FAM168A: variants seen among roughly 807,000 people sequenced by gnomAD.
The protein encoded by FAM168A is family with sequence similarity 168 member A, also known as protein FAM168A.
A neutral mutation model predicts 28.5 loss-of-function variants in FAM168A; 3 were observed. The observed-to-expected ratio is 0.11, with a 90% CI of 0.05 to 0.27. The LOEUF (loss-of-function observed/expected upper bound fraction) is 0.27. Among genes scored for constraint, FAM168A ranks in the 10% least tolerant of loss-of-function variants. The probability of loss-of-function intolerance (pLI) is 1.00; values close to 1 mark genes in which losing one functional copy is unlikely to be tolerated. For synonymous variants in FAM168A, 122 were observed against 124.2 expected, an observed-to-expected ratio of 0.98 and a Z score of 0.12; for missense variants, 222 against 311.5, an observed-to-expected ratio of 0.71 and a Z score of 2.16.
intron 1 of FAM168A, among the ~76,000 whole-genome samples, chr11:73,583,134 C>T (rs1944268715): frequency 6.6e-6 from 1 of 152,146 alleles, no homozygotes; most frequent in Non-Finnish European, 1.5e-5. Flanking sequence ...GAAACCCCGT[C>T]TTTACTAAAA....
At chr11:73,462,832 C>T (rs1216412451) in intron 2 of FAM168A, among the ~76,000 whole-genome samples, 2 of 149,678 alleles carry the variant, frequency 1.3e-5, no homozygotes, top group Non-Finnish European at 3.0e-5. Flanking sequence ...CCACTGCAAT[C>T]TCTGGGCTAT....
intron 1 of FAM168A, among the ~76,000 whole-genome samples, chr11:73,567,833 AC>A (rs1944039732): frequency 6.6e-6 from 1 of 151,998 alleles, no homozygotes; most frequent in Non-Finnish European, 1.5e-5. Flanking sequence ...TGAGGGCATC[AC>A]CCCCGGACAA....
At chr11:73,440,045 C>T (rs1867166392) in intron 2 of FAM168A, among the ~76,000 whole-genome samples, 1 of 151,954 alleles carries the variant, frequency 6.6e-6, no homozygotes, top group Non-Finnish European at 1.5e-5. Flanking sequence ...GCCACCGCGC[C>T]CAGCTAATTT....
intron 1 of FAM168A, among the ~76,000 whole-genome samples, chr11:73,548,676 T>C (rs947184942): frequency 6.6e-6 from 1 of 152,228 alleles, no homozygotes; most frequent in Admixed American, 6.5e-5. Context: ...CGTCTTGCTC[T>C]GTCATCCACA....
intron 3 of FAM168A, among the ~76,000 whole-genome samples, chr11:73,428,097 T>C (rs980102902): frequency 2.3e-4 from 35 of 152,210 alleles, no homozygotes; most frequent in Non-Finnish European, 5.1e-4. Context: ...TAGTCTTTCC[T>C]TTAGTTGCCC....
chr11:73,515,296 G>A (rs534541226), intron 1 of FAM168A, among the ~76,000 whole-genome samples: 26 of 152,204 alleles, frequency 1.7e-4, no homozygotes, highest in African/African-American at 6.0e-4. Flanking sequence ...GATCACCTGA[G>A]GACATGAGTT....
chr11:73,530,620 T>G (rs938367810), intron 1 of FAM168A, among the ~76,000 whole-genome samples: 3 of 152,230 alleles, frequency 2.0e-5, no homozygotes, highest in Non-Finnish European at 4.4e-5. Context: ...TCCCTCAGCC[T>G]TAGGTACAGC....
intron 7 of FAM168A, 147 bp downstream of exon 7, chr11:73,407,366 T>C: frequency 1.9e-6 from 1 of 526,304 alleles, no homozygotes; most frequent in South Asian, 2.9e-5. Flanking sequence ...AGAGTGATAT[T>C]ATGGACCTTG....
chr11:73,435,142 C>T, intron 2 of FAM168A, among the ~76,000 whole-genome samples: 1 of 152,206 alleles, frequency 6.6e-6, no homozygotes, highest in East Asian at 1.9e-4. Context: ...GTTAATATGC[C>T]TTTCCCTAAA....
At chr11:73,439,270 C>T (rs1273738518) in intron 2 of FAM168A, among the ~76,000 whole-genome samples, 1 of 152,156 alleles carries the variant, frequency 6.6e-6, no homozygotes, top group East Asian at 1.9e-4. Context: ...GCACTGTTCT[C>T]ATCTAGGGCA....
rs1866420664 is a variant in FAM168A, at chr11:73,401,989, C to CTGTGCG, written c.*4773_*4774insCGCACA. 6.6e-6 allele frequency: 1 copy of CTGTGCG among 152,264 alleles called. No homozygotes were observed. Among genetic ancestry groups the CTGTGCG allele is most frequent in the Non-Finnish European group, 1.5e-5 (1 of 68,066 alleles). The allele number at this position is 152,264 out of a possible 1,614,324, so 9.4% of individuals were successfully genotyped here. A position where few individuals can be genotyped will look rare whatever the true frequency, so the allele number is the denominator to read the frequency against. On this transcript the variant is annotated 3_prime_UTR_variant, in exon 8 of 8. Coordinates refer to ENST00000356467, the MANE Select transcript of FAM168A (RefSeq NM_015159.3). ...AAGTAAAGGACAAACCCTGCAGCCCCCTTGGCATGCCTGCCTGTGCGCTCA... is the reference window on the plus strand; with the variant it reads ...AAGTAAAGGACAAACCCTGCAGCCCCTGTGCGCTTGGCATGCCTGCCTGTGCGCTCA...
At chr11:73,424,960 C>A in intron 3 of FAM168A, 1 of 1,357,016 alleles carries the variant, frequency 7.4e-7, no homozygotes, top group South Asian at 1.4e-5. Flanking sequence ...GGGGATCTAC[C>A]ATTGTTACGA....
At chr11:73,563,106 A>C (rs538676207) in intron 1 of FAM168A, among the ~76,000 whole-genome samples, 1 of 152,350 alleles carries the variant, frequency 6.6e-6, no homozygotes, top group African/African-American at 2.4e-5. Flanking sequence ...AAAGACTCGA[A>C]AAATAGCTTT....
chr11:73,544,062 T>C (rs1442339062), intron 1 of FAM168A, among the ~76,000 whole-genome samples: 2 of 151,716 alleles, frequency 1.3e-5, no homozygotes, highest in East Asian at 3.9e-4. Context: ...AGCCCAGGAG[T>C]TTGAGGCTGC....
At chr11:73,489,600 TC>T (rs1868101893) in intron 1 of FAM168A, among the ~76,000 whole-genome samples, 1 of 151,638 alleles carries the variant, frequency 6.6e-6, no homozygotes, top group South Asian at 2.1e-4. Context: ...ATCCTCAACT[TC>T]CTAGGCTCAA....
At chr11:73,447,150 T>G (rs996484119) in intron 2 of FAM168A, among the ~76,000 whole-genome samples, 6 of 152,212 alleles carry the variant, frequency 3.9e-5, no homozygotes, top group African/African-American at 1.4e-4. Context: ...TTCTCCAAAA[T>G]GTCTTCCTTG....
At chr11:73,523,603 T>C (rs1463795350) in intron 1 of FAM168A, among the ~76,000 whole-genome samples, 1 of 152,144 alleles carries the variant, frequency 6.6e-6, no homozygotes, top group Non-Finnish European at 1.5e-5. Context: ...TTTAGCACCA[T>C]GCCTGGTTAA....
chr11:73,422,368 C>T (rs756199640), intron 3 of FAM168A, among the ~76,000 whole-genome samples: 4 of 152,042 alleles, frequency 2.6e-5, no homozygotes, highest in East Asian at 1.9e-4. Flanking sequence ...GTTTTCCGTA[C>T]GCCTCTGTAT....
chr11:73,485,325 C>A, intron 1 of FAM168A, among the ~76,000 whole-genome samples: 1 of 152,190 alleles, frequency 6.6e-6, no homozygotes, highest in Non-Finnish European at 1.5e-5. Context: ...ACAAATCACA[C>A]ACAGACCCTG....
Sources: gnomAD v4.1 joint callset for allele counts (sites outside exome capture counted in the v4.1 genomes callset) on GRCh38, gnomAD v4.1.1 for gene constraint, MANE v1.5 for transcripts, NCBI Gene and HGNC (gene_info 2026-07-23, HGNC 2026-07-21) for gene names.